FGGY: variants seen among roughly 807,000 people sequenced by gnomAD.
FGGY encodes the protein FGGY carbohydrate kinase domain-containing protein.
Under a neutral mutation model 71.3 loss-of-function variants are expected in FGGY, and 72 were observed. The observed-to-expected ratio is 1.01, with a 90% CI of 0.84 to 1.23. The LOEUF (loss-of-function observed/expected upper bound fraction) is 1.23. FGGY is among the 50% of genes most tolerant of loss of function. The pLI, the probability that FGGY is intolerant of heterozygous loss-of-function variation, is 0.00. For missense variants in FGGY, 668 were observed against 682.3 expected (o/e 0.98, Z 0.23); for synonymous variants, 251 against 250.3 (o/e 1.00, Z -0.02).
intron 5 of FGGY, among the ~76,000 whole-genome samples, chr1:59,407,571 T>C (rs2062954529): frequency 6.6e-5 from 10 of 152,114 alleles, no homozygotes. Context: ...AAAAAAATAT[T>C]CTGATAGTTA....
At chr1:59,633,094 T>C (rs368743191) in intron 10 of FGGY, among the ~76,000 whole-genome samples, 12 of 150,462 alleles carry the variant, frequency 8.0e-5, no homozygotes, top group African/African-American at 2.9e-4. Flanking sequence ...CACTGCAAGC[T>C]CTGCCTCCCG....
At chr1:59,605,757 G>C (rs1156370041) in intron 8 of FGGY, among the ~76,000 whole-genome samples, 1 of 152,024 alleles carries the variant, frequency 6.6e-6, no homozygotes, top group Non-Finnish European at 1.5e-5. Context: ...AGAGAACCGG[G>C]GTAGCTGAGG....
At chr1:59,339,786 T>C (rs1017787620) in intron 2 of FGGY, among the ~76,000 whole-genome samples, 172 bp from the exon 3 acceptor site, 15 of 152,288 alleles carry the variant, frequency 9.8e-5, no homozygotes, top group African/African-American at 3.6e-4. Context: ...AGTTTGGTTC[T>C]TTTTTTCTTA....
intron 5 of FGGY, among the ~76,000 whole-genome samples, chr1:59,430,420 CA>C (rs2067139410): frequency 6.6e-6 from 1 of 152,054 alleles, no homozygotes; most frequent in Non-Finnish European, 1.5e-5. Flanking sequence ...TGCAGGGAGA[CA>C]TTTCATATTA....
At chr1:59,643,034 CAA>C (rs965526400) in intron 11 of FGGY, among the ~76,000 whole-genome samples, 23 of 53,134 alleles carry the variant, frequency 4.3e-4, no homozygotes, top group Admixed American at 6.2e-4. Context: ...GACTCCATCT[CAA>C]AAAAAAAAAA....
chr1:59,590,165 C>G (rs533008495), intron 8 of FGGY, among the ~76,000 whole-genome samples: 2 of 152,144 alleles, frequency 1.3e-5, no homozygotes, highest in Non-Finnish European at 2.9e-5. Context: ...AACACCTCTA[C>G]TCAAATAAAC....
intron 7 of FGGY, 109 bp from the exon 8 acceptor site, chr1:59,554,015 C>T: frequency 1.2e-6 from 1 of 837,222 alleles, no homozygotes; most frequent in South Asian, 1.8e-5. Flanking sequence ...ACCCTTCCTC[C>T]ATGTTGTTTG....
intron 5 of FGGY, among the ~76,000 whole-genome samples, chr1:59,395,266 G>T (rs1360605343): frequency 6.6e-6 from 1 of 152,014 alleles, no homozygotes; most frequent in East Asian, 1.9e-4. Context: ...CTGAGAAATC[G>T]ACTGGGAAGA....
chr1:59,594,585 T>C (rs2096496554), intron 8 of FGGY, among the ~76,000 whole-genome samples: 1 of 152,124 alleles, frequency 6.6e-6, no homozygotes, highest in African/African-American at 2.4e-5. Context: ...CAACCAGCAC[T>C]AGGCATGGAG....
intron 14 of FGGY, among the ~76,000 whole-genome samples, chr1:59,726,625 A>G (rs994350080): frequency 1.3e-5 from 2 of 152,138 alleles, no homozygotes; most frequent in Admixed American, 6.5e-5. Flanking sequence ...CTCTATTCAG[A>G]TGATTTATTT....
At chr1:59,733,484 T>G (rs1051781161) in intron 14 of FGGY, among the ~76,000 whole-genome samples, 1 of 149,164 alleles carries the variant, frequency 6.7e-6, no homozygotes. Flanking sequence ...GTTTTGTTTT[T>G]TAAAGCAAGC....
intron 5 of FGGY, among the ~76,000 whole-genome samples, chr1:59,399,056 A>G (rs1337577880): frequency 2.6e-5 from 4 of 152,202 alleles, no homozygotes; most frequent in East Asian, 1.9e-4. Context: ...CAAGTTTCCA[A>G]TAGAGATTTA....
At chr1:59,300,516 C>A (rs1175185787) in intron 1 of FGGY, among the ~76,000 whole-genome samples, 1 of 152,182 alleles carries the variant, frequency 6.6e-6, no homozygotes, top group African/African-American at 2.4e-5. Context: ...TGTTACCAAT[C>A]TGAATTATAA....
chr1:59,549,767 A>G (rs2095579942), intron 7 of FGGY, among the ~76,000 whole-genome samples: 1 of 152,236 alleles, frequency 6.6e-6, no homozygotes, highest in Non-Finnish European at 1.5e-5. Context: ...TAACATTTGC[A>G]AAGTCTCTTT....
At chr1:59,491,161 T>C (rs1190180074) in intron 6 of FGGY, among the ~76,000 whole-genome samples, 1 of 145,862 alleles carries the variant, frequency 6.9e-6, no homozygotes, top group African/African-American at 2.6e-5. Context: ...CTTTCTCTCT[T>C]TTTTTCTTTC....
At chr1:59,591,815 C>T (rs187559773) in intron 8 of FGGY, among the ~76,000 whole-genome samples, 2,344 of 152,142 alleles carry the variant, frequency 0.015, 62 homozygotes, top group African/African-American at 0.054. Context: ...CTTAAACGTT[C>T]GACCTAAAAC....
intron 8 of FGGY, among the ~76,000 whole-genome samples, chr1:59,607,315 C>T (rs1040003302): frequency 1.3e-4 from 20 of 152,182 alleles, no homozygotes; most frequent in Admixed American, 1.1e-3. Context: ...GTTTGAGGAG[C>T]GAAAGACAGA....
intron 14 of FGGY, among the ~76,000 whole-genome samples, chr1:59,674,348 AGTT>A (rs1296642371): frequency 1.3e-5 from 2 of 152,070 alleles, no homozygotes; most frequent in Non-Finnish European, 2.9e-5. Context: ...TCTGTTTTTC[AGTT>A]GTTTTTTTTC....
chr1:59,346,947 C>CTTTTTT (rs71580898), intron 4 of FGGY, among the ~76,000 whole-genome samples: 7 of 112,176 alleles, frequency 6.2e-5, no homozygotes, highest in African/African-American at 1.3e-4. Flanking sequence ...AAAATCAATT[C>CTTTTTT]TTTTTTTTTT....
Sources: allele counts gnomAD v4.1 joint callset (sites outside exome capture counted in the v4.1 genomes callset), GRCh38; gene constraint gnomAD v4.1.1; transcripts MANE v1.5; gene names NCBI Gene and HGNC (gene_info 2026-07-23, HGNC 2026-07-21).